Variants in KIF26B observed in about 807,000 individuals in gnomAD.
The protein encoded by KIF26B is kinesin-like protein KIF26B.
KIF26B carries 63 observed loss-of-function variants against 151.2 expected under a neutral mutation model. That is an observed-to-expected ratio of 0.42 (90% confidence interval 0.34 to 0.51). KIF26B has a LOEUF of 0.51. KIF26B is among the 20% of genes least tolerant of loss of function. The probability of loss-of-function intolerance (pLI) is 0.07; values close to 1 mark genes in which losing one functional copy is unlikely to be tolerated. For missense variants in KIF26B, 2,813 were observed against 2,913.6 expected (o/e 0.97, Z 0.79); for synonymous variants, 1,357 against 1,262.1 (o/e 1.08, Z -1.59).
chr1:245,550,892 C>T (rs969530082), intron 5 of KIF26B, among the ~76,000 whole-genome samples: 1 of 152,076 alleles, frequency 6.6e-6, no homozygotes, highest in African/African-American at 2.4e-5. Flanking sequence ...GTTGTTTTCC[C>T]CAAAGGTTAT....
intron 2 of KIF26B, among the ~76,000 whole-genome samples, chr1:245,347,576 C>A (rs768470044): frequency 6.6e-6 from 1 of 152,188 alleles, no homozygotes; most frequent in East Asian, 1.9e-4. Flanking sequence ...CCTGTCTCCC[C>A]CTAAACGGAT....
chr1:245,163,356 G>C (rs1285077714), intron 2 of KIF26B, among the ~76,000 whole-genome samples: 1 of 152,152 alleles, frequency 6.6e-6, no homozygotes, highest in Non-Finnish European at 1.5e-5. Context: ...TGTCCAGGCT[G>C]GTCTTGAACT....
chr1:245,702,919 T>TTATGTA lies in KIF26B; in HGVS notation c.*313_*314insTATGTA. The TTATGTA allele has an allele frequency of 3.4e-6, 1 of 293,362 alleles. No homozygotes were observed. Among genetic ancestry groups the TTATGTA allele is most frequent in the Non-Finnish European group, 6.3e-6 (1 of 159,274 alleles). The allele number at this position is 293,362 out of a possible 1,614,324, so 18.2% of individuals were successfully genotyped here. A position where few individuals can be genotyped will look rare whatever the true frequency, so the allele number is the denominator to read the frequency against. On this transcript the variant is annotated 3_prime_UTR_variant, in exon 15 of 15. Transcript: ENST00000407071. The surrounding 1 kb of genome is among the most constrained non-coding windows in gnomAD (Gnocchi z 4.1). ...ATAAGAACTGCTAGCAAAAGAGACC[T>TTATGTA]CACTCTTCTCTTGCTTTCGTGAGAA...
chr1:245,405,817 G>A (rs551713959), intron 3 of KIF26B, among the ~76,000 whole-genome samples: 1 of 152,174 alleles, frequency 6.6e-6, no homozygotes, highest in South Asian at 2.1e-4. Context: ...GAATTGTGTA[G>A]GATTTGGTAT....
chr1:245,317,957 G>A (rs1374779555), intron 2 of KIF26B, among the ~76,000 whole-genome samples: 1 of 152,090 alleles, frequency 6.6e-6, no homozygotes, highest in Non-Finnish European at 1.5e-5. Flanking sequence ...GCACGCATGG[G>A]GATTTCACAC....
intron 12 of KIF26B, among the ~76,000 whole-genome samples, chr1:245,691,108 G>GCAGA (rs2044620055): frequency 6.6e-6 from 1 of 152,144 alleles, no homozygotes. Context: ...TTAGTGCCTT[G>GCAGA]CGTCTACCAG....
intron 9 of KIF26B, among the ~76,000 whole-genome samples, chr1:245,630,796 A>T (rs2043773132): frequency 6.6e-6 from 1 of 152,044 alleles, no homozygotes. Flanking sequence ...TGAGCATGGG[A>T]TGTCTTTTCA....
intron 4 of KIF26B, among the ~76,000 whole-genome samples, chr1:245,444,819 C>T (rs920659472): frequency 4.6e-5 from 7 of 152,210 alleles, no homozygotes; most frequent in African/African-American, 1.7e-4. Context: ...TCCTTCCCAT[C>T]TGAAACCATG....
chr1:245,435,419 T>C (rs1658893808), intron 4 of KIF26B, among the ~76,000 whole-genome samples: 1 of 152,146 alleles, frequency 6.6e-6, no homozygotes, highest in Admixed American at 6.5e-5. Context: ...AAAGGTGGCT[T>C]TCCAGCACCT....
chr1:245,486,280 G>A (rs976187312), intron 4 of KIF26B, among the ~76,000 whole-genome samples: 6 of 152,136 alleles, frequency 3.9e-5, no homozygotes, highest in Non-Finnish European at 5.9e-5. Context: ...CTCTTTTTAC[G>A]AGGGTCGTAT....
At chr1:245,296,692 C>A (rs1399455622) in intron 2 of KIF26B, among the ~76,000 whole-genome samples, 1 of 152,220 alleles carries the variant, frequency 6.6e-6, no homozygotes, top group Non-Finnish European at 1.5e-5. Context: ...GCTTCCACGT[C>A]CTCGTCTTTA....
chr1:245,416,507 A>G (rs895246000), intron 3 of KIF26B, among the ~76,000 whole-genome samples: 2 of 152,180 alleles, frequency 1.3e-5, no homozygotes, highest in African/African-American at 4.8e-5. Context: ...TTAGACCTAG[A>G]GACCTGGGGC....
At chr1:245,158,768 C>G (rs74623640) in intron 2 of KIF26B, among the ~76,000 whole-genome samples, 6,201 of 152,146 alleles carry the variant, frequency 0.041, 164 homozygotes, top group Non-Finnish European at 0.062. Context: ...TGCATCAGCT[C>G]ATTGTTAGTA....
chr1:245,598,160 G>A (rs1250611723), intron 5 of KIF26B, among the ~76,000 whole-genome samples: 1 of 151,916 alleles, frequency 6.6e-6, no homozygotes, highest in Admixed American at 6.6e-5. Context: ...ACCTTGTAGG[G>A]GTAAAAACTA....
chr1:245,259,685 A>G (rs934072753), intron 2 of KIF26B, among the ~76,000 whole-genome samples: 3 of 152,086 alleles, frequency 2.0e-5, no homozygotes, highest in African/African-American at 7.2e-5. Flanking sequence ...CAGTCCCAGC[A>G]CTTTGGGAGG....
At chr1:245,436,952 C>A (rs1558165271) in intron 4 of KIF26B, among the ~76,000 whole-genome samples, 1 of 139,928 alleles carries the variant, frequency 7.1e-6, no homozygotes, top group African/African-American at 2.6e-5. Context: ...AGTGGCATGA[C>A]CTCAGCTCAC....
In KIF26B at chr1:245,671,933, G is replaced by A. The variant is rs113120675; in HGVS notation, c.2259-12300G>A. 5.6e-3 allele frequency among the ~76,000 whole-genome samples: 848 copies of A among 152,316 alleles called. 10 individuals are homozygous for A. Among genetic ancestry groups the A allele is most frequent in the African/African-American group, 0.015 (605 of 41,570 alleles). ...GGTGCGTGCCCCGAGCCTGCAGAGC[G>A]GGCAGGGATGTGTAGGAAGGCACCT... On this transcript the variant is annotated intron_variant, in intron 10 of 14. Transcript: ENST00000407071.
intron 5 of KIF26B, among the ~76,000 whole-genome samples, chr1:245,584,651 A>C (rs2043206195): frequency 6.6e-6 from 1 of 152,198 alleles, no homozygotes; most frequent in African/African-American, 2.4e-5. Flanking sequence ...AAAGAGAAAA[A>C]GAAAAGAACC....
In KIF26B at chr1:245,244,394, G is replaced by A. The variant is rs1452803637; in HGVS notation, c.465+87711G>A. On this transcript the variant is annotated intron_variant, in intron 2 of 14. Transcript: ENST00000407071. The surrounding 1 kb of genome is among the most constrained non-coding windows in gnomAD (Gnocchi z 4.2). ...GGAATGACGTCTTGCATATTGTCAT[G>A]ATATGTAGTGGGTGGGTAAAATCCG... is the stretch of plus-strand genomic sequence containing the variant. 6.6e-6 allele frequency among the ~76,000 whole-genome samples: 1 copy of A among 152,120 alleles called. No homozygotes were observed. Among genetic ancestry groups the A allele is most frequent in the Non-Finnish European group, 1.5e-5 (1 of 68,020 alleles).
Sources: allele counts gnomAD v4.1 joint callset (sites outside exome capture counted in the v4.1 genomes callset), GRCh38; gene constraint gnomAD v4.1.1; non-coding constraint Gnocchi (gnomAD v3.1); transcripts MANE v1.5; gene names NCBI Gene and HGNC (gene_info 2026-07-23, HGNC 2026-07-21).